Variants in LRCH3 observed in about 807,000 individuals in gnomAD.
LRCH3 encodes DISP complex protein LRCH3.
A neutral mutation model predicts 104.5 loss-of-function variants in LRCH3; 68 were observed. The observed-to-expected ratio is 0.65, with a 90% CI of 0.54 to 0.80. The LOEUF (loss-of-function observed/expected upper bound fraction) is 0.80, where lower values mean the gene tolerates loss of function less well. Ranked by LOEUF, LRCH3 falls within the 30% of genes least tolerant of loss-of-function variation. The pLI is 0.00. For missense variants in LRCH3, 951 were observed against 953.9 expected (o/e 1.00, Z 0.04); for synonymous variants, 344 against 361.3 (o/e 0.95, Z 0.54).
chr3:197,879,267 TA>T (rs1713268730), intron 20 of LRCH3, among the ~76,000 whole-genome samples: 1 of 152,208 alleles, frequency 6.6e-6, no homozygotes, highest in South Asian at 2.1e-4. Context: ...TTGCAATCTG[TA>T]AAATGGAGGG....
chr3:197,828,746 T>A (rs1182001557), intron 5 of LRCH3, among the ~76,000 whole-genome samples: 1 of 149,658 alleles, frequency 6.7e-6, no homozygotes, highest in East Asian at 2.0e-4. Context: ...TTGCTCTTGT[T>A]GCCCAGGCCG....
rs917332082 is a variant in LRCH3, at chr3:197,791,663, G to A, written c.262+123G>A. ...CCCGTAGGCGCCGGGTCCGGACCCG[G>A]GTAACGGGGAGAAGCCGACGGCGCC... On this transcript the variant is annotated intron_variant, in intron 1 of 20. Transcript: ENST00000425562. 38 of 1,164,062 alleles carry A rather than the reference G, an allele frequency of 3.3e-5. No individual in the cohort carries two copies. In the South Asian group the frequency reaches 6.4e-4, roughly 19 times the overall value. 72.1% of individuals were successfully genotyped at this position (1,164,062 alleles called of 1,614,324 possible).
chr3:197,835,641 G>A (rs1251436641), intron 8 of LRCH3, 33 bp from the exon 9 acceptor site: 4 of 1,567,218 alleles, frequency 2.6e-6, no homozygotes, highest in African/African-American at 1.4e-5. Flanking sequence ...TCTGGTGTGT[G>A]TGTGTGTGTG....
chr3:197,831,632 T>A (rs1377450225), intron 7 of LRCH3, among the ~76,000 whole-genome samples: 2 of 152,128 alleles, frequency 1.3e-5, no homozygotes, highest in Non-Finnish European at 2.9e-5. Flanking sequence ...ATATATAATT[T>A]ATGGAGTCAT....
At chr3:197,816,866 A>G (rs1205406803) in intron 2 of LRCH3, among the ~76,000 whole-genome samples, 1 of 152,190 alleles carries the variant, frequency 6.6e-6, no homozygotes, top group East Asian at 1.9e-4. Context: ...ATAAAATAAT[A>G]CTATGTTTAT....
intron 8 of LRCH3, among the ~76,000 whole-genome samples, chr3:197,833,744 A>G (rs1432233007): frequency 6.6e-6 from 1 of 152,218 alleles, no homozygotes; most frequent in East Asian, 1.9e-4. Context: ...AAATATGGCT[A>G]CTAGAAAATT....
chr3:197,866,025 T>A (rs1384066750), intron 16 of LRCH3, 87 bp from the exon 17 acceptor site: 1 of 964,960 alleles, frequency 1.0e-6, no homozygotes, highest in Non-Finnish European at 1.6e-6. Flanking sequence ...GCCATGTTTA[T>A]TTTTTACTTG....
At chr3:197,830,393 A>C (rs1485473712) in intron 6 of LRCH3, among the ~76,000 whole-genome samples, 1 of 152,204 alleles carries the variant, frequency 6.6e-6, no homozygotes, top group Admixed American at 6.5e-5. Flanking sequence ...GCCTTTAAAC[A>C]AGCAGGATAG....
rs1018904691 is a variant in LRCH3 at position 197,879,571 on chromosome 3, G to A, written c.2208+3796G>A. The stretch of plus-strand genomic sequence containing the variant: ...TGAGGCGGGAGAATGGCGGGAACCC[G>A]GGAGGCGGAGCTTGCAGTGAGCCGA... On this transcript the variant is annotated intron_variant, in intron 20 of 20. Transcript: ENST00000425562. Among the ~76,000 whole-genome samples the A allele has an allele frequency of 1.1e-4, 16 of 152,014 alleles. 1 individual carries two copies. Among genetic ancestry groups the A allele is most frequent in the South Asian group, 4.1e-4 (2 of 4,830 alleles).
intron 18 of LRCH3, 126 bp downstream of exon 18, chr3:197,870,404 C>CA: frequency 2.2e-6 from 2 of 919,194 alleles, no homozygotes; most frequent in Non-Finnish European, 1.6e-6. Flanking sequence ...CTCACTCTGT[C>CA]ACCCAGGCTG....
At chr3:197,882,522 CAAAA>C (rs1713863917) in intron 20 of LRCH3, 48 of 844,652 alleles carry the variant, frequency 5.7e-5, no homozygotes, top group Non-Finnish European at 6.5e-5. Flanking sequence ...AAAAGCAAAA[CAAAA>C]AACAAAAAAC....
At chr3:197,797,098 C>T (rs1017239581) in intron 1 of LRCH3, among the ~76,000 whole-genome samples, 4 of 150,000 alleles carry the variant, frequency 2.7e-5, no homozygotes, top group African/African-American at 9.8e-5. Context: ...GGGGCCGAGG[C>T]GGGCAGATCA....
rs146266335 is a variant in LRCH3 at position 197,835,768 on chromosome 3, C to T, written c.1197C>T (p.Asp399=). 2.5e-6 allele frequency: 4 copies of T among 1,613,960 alleles called. No homozygotes were observed. The African/African-American group carries it at 4.0e-5, about 16-fold the overall frequency. The change falls in exon 9 of 21, where the codon GAC becomes GAT. Residue 399 remains aspartate (D), a synonymous_variant. Coordinates refer to ENST00000425562, the MANE Select transcript of LRCH3 (RefSeq NM_001365715.1). ...GACAGCCCAAGGGACCAGACCCAGA[C>T]AGCCTTAGTTCACAGTTTATGGCGT... The part of the protein sequence containing the change: ...EVRQPKGPDP[D]SLSSQFMAYI...
chr3:197,811,642 C>G (rs547188887), intron 1 of LRCH3, among the ~76,000 whole-genome samples: 123 of 152,270 alleles, frequency 8.1e-4, no homozygotes, highest in African/African-American at 2.8e-3. Flanking sequence ...TGTGTTTGGA[C>G]TGGAATGAAC....
rs1033473108 is a variant in LRCH3, at chr3:197,886,696, T to C, written c.*3030T>C. The C allele has an allele frequency of 1.2e-4, 18 of 151,548 alleles. No homozygotes were observed. Among genetic ancestry groups the C allele is most frequent in the African/African-American group, 4.4e-4 (18 of 41,128 alleles). 9.4% of individuals were successfully genotyped at this position (151,548 alleles called of 1,614,324 possible). A position where few individuals can be genotyped will look rare whatever the true frequency, so the allele number is the denominator to read the frequency against. On this transcript the variant is annotated 3_prime_UTR_variant, in exon 21 of 21. Transcript: ENST00000425562. Reference sequence around the variant, plus strand: ...GGTGGGCACCTGTAATCCCAGCTACTTGGGTGGCTGAGGCACAAGAATCGC... The same window carrying C: ...GGTGGGCACCTGTAATCCCAGCTACCTGGGTGGCTGAGGCACAAGAATCGC...
intron 1 of LRCH3, among the ~76,000 whole-genome samples, chr3:197,800,025 CAAAAAAAA>C (rs771569061): frequency 2.2e-5 from 3 of 134,264 alleles, no homozygotes; most frequent in African/African-American, 8.2e-5. Flanking sequence ...ACTAAAACTA[CAAAAAAAA>C]AAAAAATTAG....
chr3:197,839,799 C>T (rs997084998), intron 10 of LRCH3, among the ~76,000 whole-genome samples: 1 of 151,754 alleles, frequency 6.6e-6, no homozygotes, highest in African/African-American at 2.4e-5. Context: ...GAGCATCATT[C>T]TACCCCTCTA....
intron 1 of LRCH3, among the ~76,000 whole-genome samples, chr3:197,797,867 AAAAAAACAAAAAAAAC>A (rs1218479588): frequency 1.6e-3 from 23 of 13,986 alleles, no homozygotes; most frequent in African/African-American, 2.0e-3. Flanking sequence ...CTCAAAAAAA[AAAAAAACAAAAAAAAC>A]AAAAAAAAAA....
At chr3:197,797,642 C>T (rs1044595483) in intron 1 of LRCH3, among the ~76,000 whole-genome samples, 13 of 151,498 alleles carry the variant, frequency 8.6e-5, no homozygotes, top group African/African-American at 3.1e-4. Flanking sequence ...AGGTGGATCA[C>T]CTGAGGTGAG....
Sources: gnomAD v4.1 joint callset for allele counts (sites outside exome capture counted in the v4.1 genomes callset) on GRCh38, gnomAD v4.1.1 for gene constraint, MANE v1.5 for transcripts, NCBI Gene and HGNC (gene_info 2026-07-23, HGNC 2026-07-21) for gene names.